Variants in CHD1L observed in about 807,000 individuals in gnomAD.
CHD1L encodes the protein chromodomain helicase DNA binding protein 1 like.
Under a neutral mutation model 115.9 loss-of-function variants are expected in CHD1L, and 118 were observed. The ratio of observed to expected loss-of-function variants is 1.02; its 90% CI spans 0.88 to 1.19. CHD1L has a LOEUF of 1.19. Ranked by LOEUF, CHD1L falls within the 50% of genes most tolerant of loss-of-function variation. The probability of loss-of-function intolerance (pLI) is 0.00; values close to 1 mark genes in which losing one functional copy is unlikely to be tolerated. For synonymous variants in CHD1L, 411 were observed against 387.1 expected, an observed-to-expected ratio of 1.06 and a Z score of -0.72; for missense variants, 1,179 against 1,065.3, an observed-to-expected ratio of 1.11 and a Z score of -1.49.
the CHD1L span, among the ~76,000 whole-genome samples, chr1:147,195,592 G>T: frequency 6.6e-6 from 1 of 152,266 alleles, no homozygotes; most frequent in Non-Finnish European, 1.5e-5. Context: ...AACAGTTCCA[G>T]TTGTAGGAAT....
chr1:147,187,536 G>T, the CHD1L span, among the ~76,000 whole-genome samples: 1 of 152,128 alleles, frequency 6.6e-6, no homozygotes, highest in Non-Finnish European at 1.5e-5. Context: ...TGAAGGATGT[G>T]AAAGATACAG....
chr1:147,252,438 G>A (rs1890037), intron 1 of CHD1L, among the ~76,000 whole-genome samples, 185 bp from the exon 2 acceptor site: 5,729 of 152,232 alleles, frequency 0.038, 114 homozygotes, highest in African/African-American at 0.048. Context: ...GAATAAGTCT[G>A]CTCAAAAAGT....
chr1:147,260,009 T>C (rs1553942996), intron 6 of CHD1L, 91 bp downstream of exon 6: 3 of 1,017,224 alleles, frequency 2.9e-6, no homozygotes, highest in Admixed American at 2.1e-5. Flanking sequence ...CACAACAAAA[T>C]TGAACAGAAA....
chr1:147,258,539 A>G (rs1163600779), intron 5 of CHD1L, among the ~76,000 whole-genome samples: 1 of 152,176 alleles, frequency 6.6e-6, no homozygotes, highest in Non-Finnish European at 1.5e-5. Flanking sequence ...CCTTAAATGC[A>G]TCCTCTGCTC....
Position 147,271,050 on chromosome 1 carries a change from T to TAA in CHD1L, c.1159+46_1159+47dup, listed in dbSNP as rs376995806. On this transcript the variant is annotated intron_variant, in intron 11 of 22. Coordinates refer to ENST00000369258, the MANE Select transcript of CHD1L (RefSeq NM_004284.6). ...ACATTACCTAAGGCTCTGTTAGACT[T>TAA]AACAGTCCAGATAGGTCCATGAAGA... The TAA allele has an allele frequency of 1.4e-3, 2,019 of 1,464,920 alleles. 24 individuals are homozygous for TAA. In the African/African-American group the frequency reaches 0.025, roughly 18 times the overall value. The allele number at this position is 1,464,920 out of a possible 1,614,324, so 90.7% of individuals were successfully genotyped here.
At chr1:147,189,357 G>A in the CHD1L span, among the ~76,000 whole-genome samples, 1 of 151,940 alleles carries the variant, frequency 6.6e-6, no homozygotes, top group Admixed American at 6.5e-5. Flanking sequence ...TGAGAATTTA[G>A]AAAATTTAGT....
chr1:147,272,054 G>A, intron 11 of CHD1L, 117 bp from the exon 12 acceptor site: 1 of 679,914 alleles, frequency 1.5e-6, no homozygotes. Flanking sequence ...TTAAAGTAGG[G>A]CTGTGCCTGT....
intron 1 of CHD1L, among the ~76,000 whole-genome samples, chr1:147,251,232 A>T (rs587668890): frequency 6.6e-6 from 1 of 152,266 alleles, no homozygotes; most frequent in African/African-American, 2.4e-5. Flanking sequence ...GATTTCTTGA[A>T]CTGTCAGACT....
intron 6 of CHD1L, among the ~76,000 whole-genome samples, chr1:147,262,554 A>C (rs1672328151): frequency 6.6e-6 from 1 of 152,136 alleles, no homozygotes; most frequent in Non-Finnish European, 1.5e-5. Context: ...CATTCACCTC[A>C]GCTCTTTACT....
chr1:147,189,730 G>A, the CHD1L span, among the ~76,000 whole-genome samples: 2 of 152,162 alleles, frequency 1.3e-5, no homozygotes, highest in African/African-American at 4.8e-5. Context: ...ACTTGAGTGT[G>A]CTGTCACATG....
chr1:147,192,308 T>G, the CHD1L span, among the ~76,000 whole-genome samples: 2 of 152,082 alleles, frequency 1.3e-5, no homozygotes, highest in African/African-American at 4.8e-5. Context: ...TTTGGCTCTC[T>G]GTTTGTCTGT....
chr1:147,231,968 G>A, the CHD1L span, among the ~76,000 whole-genome samples: 1 of 152,206 alleles, frequency 6.6e-6, no homozygotes, highest in Non-Finnish European at 1.5e-5. Context: ...TCCCCAGTGA[G>A]ATGAACCCAG....
At position 147,242,737 on chromosome 1, in the gene CHD1L, C is replaced by CA. The variant is rs1195508948; in HGVS notation, c.36dup (p.Ala13SerfsTer11). On this transcript the variant is annotated frameshift_variant, in exon 1 of 23. Coordinates refer to ENST00000369258, the MANE Select transcript of CHD1L (RefSeq NM_004284.6). LOFTEE classifies it high-confidence loss of function. ...CGCGGGCGCTACTAGCCGCGGGGGC[C>CA]AAGCCCCTGGCTTCTTACTGCGGCT... The CA allele has an allele frequency of 7.9e-7, 1 of 1,260,922 alleles. No individual in the cohort carries two copies. The highest frequency in any genetic ancestry group is 1.0e-6 in the Non-Finnish European group (1 of 997,268). 78.1% of individuals were successfully genotyped at this position (1,260,922 alleles called of 1,614,324 possible). A position where few individuals can be genotyped will look rare whatever the true frequency, so the allele number is the denominator to read the frequency against.
At chr1:147,255,608 C>T (rs946702216) in intron 3 of CHD1L, among the ~76,000 whole-genome samples, 6 of 152,170 alleles carry the variant, frequency 3.9e-5, no homozygotes, top group African/African-American at 1.2e-4. Context: ...CTTTTTAGAT[C>T]TGATCCCTCT....
chr1:147,176,476 T>G, the CHD1L span: 1 of 152,234 alleles, frequency 6.6e-6, no homozygotes, highest in African/African-American at 2.4e-5. Context: ...TATTTCTTGA[T>G]AAGTATAGTC....
At chr1:147,191,110 A>T in the CHD1L span, among the ~76,000 whole-genome samples, 2 of 152,050 alleles carry the variant, frequency 1.3e-5, no homozygotes, top group Non-Finnish European at 2.9e-5. Context: ...TGGTTCCAAG[A>T]CTTTGCTATT....
Position 147,283,418 on chromosome 1 carries a change from T to C in CHD1L, c.1706-933T>C, listed in dbSNP as rs1191030962. Among the ~76,000 whole-genome samples, 3 of 152,352 alleles carry C rather than the reference T, an allele frequency of 2.0e-5. No individual in the cohort carries two copies. In the East Asian group the frequency reaches 5.8e-4, roughly 29 times the overall value. On this transcript the variant is annotated intron_variant, in intron 15 of 22. Transcript: ENST00000369258. The stretch of plus-strand genomic sequence containing the variant: ...TGTGCTACTAAATATGCTTCCCGAT[T>C]CAATCATTATCTTACCTATCTGTGG...
At chr1:147,248,989 GGAAAACCTATT>G (rs1263827392) in intron 1 of CHD1L, among the ~76,000 whole-genome samples, 1 of 152,124 alleles carries the variant, frequency 6.6e-6, no homozygotes, top group Non-Finnish European at 1.5e-5. Flanking sequence ...CTCAAGAAAA[GGAAAACCTATT>G]GTATTTACAC....
chr1:147,186,906 G>T, the CHD1L span: 2 of 1,611,678 alleles, frequency 1.2e-6, no homozygotes, highest in Non-Finnish European at 1.7e-6. Flanking sequence ...ACAACTAGAA[G>T]TAAGCTATAA....
Sources: gnomAD v4.1 joint callset for allele counts (sites outside exome capture counted in the v4.1 genomes callset) on GRCh38, gnomAD v4.1.1 for gene constraint, MANE v1.5 for transcripts, NCBI Gene and HGNC (gene_info 2026-07-23, HGNC 2026-07-21) for gene names.